The following PACRG variants were observed in gnomAD, a reference collection of about 807,000 sequenced individuals.
PACRG encodes parkin coregulated gene protein.
Under a neutral mutation model 29.7 loss-of-function variants are expected in PACRG, and 29 were observed. That is an observed-to-expected ratio of 0.98 (90% CI 0.73 to 1.33). The LOEUF is 1.33. PACRG is among the 40% of genes most tolerant of loss of function. The pLI is 0.00. For synonymous variants in PACRG, 116 were observed against 118.7 expected, an observed-to-expected ratio of 0.98 and a Z score of 0.15; for missense variants, 279 against 316.2, an observed-to-expected ratio of 0.88 and a Z score of 0.89.
chr6:162,773,669 C>T (rs531063936), intron 1 of PACRG, among the ~76,000 whole-genome samples: 51 of 151,602 alleles, frequency 3.4e-4, no homozygotes, highest in South Asian at 1.0e-3. Context: ...CGCCCGCCAC[C>T]GCGCCCGGCT....
intron 4 of PACRG, among the ~76,000 whole-genome samples, chr6:163,113,155 C>T (rs1181364439): frequency 6.6e-6 from 1 of 152,132 alleles, no homozygotes; most frequent in African/African-American, 2.4e-5. Flanking sequence ...ACAGAAACAT[C>T]ATCTGTGAAT....
intron 4 of PACRG, among the ~76,000 whole-genome samples, chr6:163,184,271 G>A (rs564889824): frequency 9.2e-5 from 14 of 152,324 alleles, no homozygotes; most frequent in Non-Finnish European, 1.8e-4. Flanking sequence ...AAGTTTTAAA[G>A]TAGCATTTCT....
intron 3 of PACRG, among the ~76,000 whole-genome samples, chr6:163,084,573 C>T (rs1813367815): frequency 1.3e-5 from 2 of 152,112 alleles, no homozygotes; most frequent in Non-Finnish European, 2.9e-5. Context: ...TTGAGGAGGA[C>T]TTAGAGCTCC....
chr6:163,074,898 G>A (rs1339593018), intron 3 of PACRG, among the ~76,000 whole-genome samples: 3 of 152,134 alleles, frequency 2.0e-5, no homozygotes, highest in Non-Finnish European at 4.4e-5. Context: ...GGAGGCTGAG[G>A]TGGGAGGATC....
At chr6:162,937,238 A>C (rs1312178406) in intron 2 of PACRG, among the ~76,000 whole-genome samples, 1 of 152,234 alleles carries the variant, frequency 6.6e-6, no homozygotes, top group Non-Finnish European at 1.5e-5. Flanking sequence ...CATTTTAAAA[A>C]GTAAAATAAA....
intron 4 of PACRG, among the ~76,000 whole-genome samples, chr6:163,258,507 C>T (rs1027300890): frequency 7.9e-5 from 12 of 152,136 alleles, no homozygotes; most frequent in Admixed American, 7.9e-4. Flanking sequence ...CCTATAATCC[C>T]AGCACTTTGG....
chr6:163,166,330 A>C, intron 4 of PACRG: 1 of 403,702 alleles, frequency 2.5e-6, no homozygotes, highest in Non-Finnish European at 5.0e-6. Context: ...CAGTGAAAGA[A>C]TTATTTTGTT....
At chr6:163,013,420 A>C (rs1805799230) in intron 2 of PACRG, among the ~76,000 whole-genome samples, 1 of 150,718 alleles carries the variant, frequency 6.6e-6, no homozygotes, top group African/African-American at 2.4e-5. Flanking sequence ...AACATGATTA[A>C]GAATATCAAT....
intron 4 of PACRG, among the ~76,000 whole-genome samples, chr6:163,118,073 T>C (rs1284873412): frequency 6.6e-6 from 1 of 152,156 alleles, no homozygotes; most frequent in African/African-American, 2.4e-5. Context: ...TATGTGGCAT[T>C]ATATATATAG....
intron 2 of PACRG, among the ~76,000 whole-genome samples, chr6:163,045,805 G>A (rs1339347034): frequency 1.3e-5 from 2 of 148,852 alleles, no homozygotes; most frequent in Non-Finnish European, 3.0e-5. Context: ...TAGTAGAGAC[G>A]GGGTTTCACC....
chr6:162,942,520 C>T (rs1482232588), intron 2 of PACRG, among the ~76,000 whole-genome samples: 1 of 152,046 alleles, frequency 6.6e-6, no homozygotes, highest in African/African-American at 2.4e-5. Context: ...TATATTAAAT[C>T]CCTAATTTCA....
In PACRG at chr6:162,853,179, A is replaced by G. The variant is rs1452846839; in HGVS notation, c.291+38898A>G. Among the ~76,000 whole-genome samples, 1 of 152,216 alleles carries G rather than the reference A, an allele frequency of 6.6e-6. No individual in the cohort carries two copies. The highest frequency in any genetic ancestry group is 1.5e-5 in the Non-Finnish European group (1 of 68,038). ...GATCATCACTTTCAGAAAAGAGTAC[A>G]CTGAACGTTTAAAATCTGGAAATTG... is the stretch of plus-strand genomic sequence containing the variant. On this transcript the variant is annotated intron_variant, in intron 2 of 4. Transcript: ENST00000366888. This position sits in a 1 kb window ranked among gnomAD's most constrained non-coding sequence, Gnocchi z 4.7.
intron 4 of PACRG, among the ~76,000 whole-genome samples, chr6:163,179,797 A>G (rs1779566554): frequency 6.6e-6 from 1 of 151,988 alleles, no homozygotes; most frequent in Admixed American, 6.6e-5. Context: ...TATAAGTGTT[A>G]TGGTGGGATC....
At chr6:163,306,444 A>G (rs1190371484) in intron 4 of PACRG, among the ~76,000 whole-genome samples, 1 of 152,226 alleles carries the variant, frequency 6.6e-6, no homozygotes, top group Non-Finnish European at 1.5e-5. Context: ...TATAACTTTC[A>G]GGTCAAAACA....
chr6:163,212,237 TC>T lies in PACRG; in HGVS notation c.614-102589del, dbSNP rs1255200367. Among the ~76,000 whole-genome samples, 6 of 152,332 alleles carry T rather than the reference TC, an allele frequency of 3.9e-5. No homozygotes were observed. The East Asian group carries it at 9.6e-4, about 24-fold the overall frequency. On this transcript the variant is annotated intron_variant, in intron 4 of 4. Transcript: ENST00000366888. ...AGATACTGGCATAAACTCATGATTT[TC>T]ATTATAGATAAAGGTAGCTGTGGAA...
At chr6:162,823,839 G>A in intron 2 of PACRG, among the ~76,000 whole-genome samples, 1 of 152,002 alleles carries the variant, frequency 6.6e-6, no homozygotes. Flanking sequence ...TTCTATTTTT[G>A]TTGGTATGGA....
At chr6:163,101,164 C>CA in intron 4 of PACRG, 1 of 984,514 alleles carries the variant, frequency 1.0e-6, no homozygotes. Context: ...CCCCGCCCCC[C>CA]AAAAAACCCT....
intron 2 of PACRG, among the ~76,000 whole-genome samples, chr6:163,011,191 C>T (rs574313492): frequency 1.3e-5 from 2 of 152,108 alleles, no homozygotes; most frequent in South Asian, 2.1e-4. Context: ...TGCAGTCATG[C>T]GACACTTAAT....
At chr6:163,029,758 G>A (rs941234282) in intron 2 of PACRG, among the ~76,000 whole-genome samples, 10 of 152,180 alleles carry the variant, frequency 6.6e-5, no homozygotes, top group African/African-American at 1.9e-4. Flanking sequence ...AGACTACATG[G>A]GGAATGTCTC....
Sources: allele counts gnomAD v4.1 joint callset (sites outside exome capture counted in the v4.1 genomes callset), GRCh38; gene constraint gnomAD v4.1.1; non-coding constraint Gnocchi (gnomAD v3.1); transcripts MANE v1.5; gene names NCBI Gene and HGNC (gene_info 2026-07-23, HGNC 2026-07-21).